COL5A2: variants seen among roughly 807,000 people sequenced by gnomAD.
The protein encoded by COL5A2 is collagen type V alpha 2 chain, also known as collagen alpha-2(V) chain.
A neutral mutation model predicts 208.2 loss-of-function variants in COL5A2; 23 were observed. The ratio of observed to expected loss-of-function variants is 0.11; its 90% CI spans 0.08 to 0.16. COL5A2 has a LOEUF of 0.16. Among genes scored for constraint, COL5A2 ranks in the 10% least tolerant of loss-of-function variants. The pLI, the probability that COL5A2 is intolerant of heterozygous loss-of-function variation, is 1.00. For missense variants in COL5A2, 1,590 were observed against 1,956.4 expected (o/e 0.81, Z 3.53); for synonymous variants, 625 against 628.5 (o/e 0.99, Z 0.08).
chr2:189,042,962 C>T (rs978210427), intron 48 of COL5A2, among the ~76,000 whole-genome samples, 189 bp from the exon 49 acceptor site: 5 of 152,116 alleles, frequency 3.3e-5, no homozygotes, highest in Non-Finnish European at 5.9e-5. Context: ...ATAGCTTTTG[C>T]TTTATTTCTT....
intron 1 of COL5A2, among the ~76,000 whole-genome samples, chr2:189,154,044 T>C (rs925363250): frequency 1.3e-5 from 2 of 152,136 alleles, no homozygotes; most frequent in Non-Finnish European, 2.9e-5. Flanking sequence ...CTACACATTT[T>C]ATGAGTCAAT....
chr2:189,222,712 AG>A (rs1689363006), intron 1 of COL5A2, among the ~76,000 whole-genome samples: 1 of 152,204 alleles, frequency 6.6e-6, no homozygotes, highest in African/African-American at 2.4e-5. Flanking sequence ...ACTTTGGCCA[AG>A]GCAAACCTGC....
At chr2:189,408,870 G>A in the COL5A2 span, among the ~76,000 whole-genome samples, 5 of 152,090 alleles carry the variant, frequency 3.3e-5, no homozygotes, top group Non-Finnish European at 7.4e-5. Context: ...AATTCAACTG[G>A]TCCTCTTGAC....
At chr2:189,250,486 G>T in the COL5A2 span, among the ~76,000 whole-genome samples, 2 of 152,124 alleles carry the variant, frequency 1.3e-5, no homozygotes, top group Non-Finnish European at 2.9e-5. Flanking sequence ...AAACAATCTG[G>T]AGTCACTTTA....
intron 13 of COL5A2, 44 bp downstream of exon 13, chr2:189,080,946 A>G (rs2105637526): frequency 6.6e-7 from 1 of 1,522,086 alleles, no homozygotes; most frequent in Non-Finnish European, 9.1e-7. Flanking sequence ...GAGCCTGTTC[A>G]CTAAACCACA....
At chr2:189,205,219 T>A (rs1280816633) in intron 1 of COL5A2, among the ~76,000 whole-genome samples, 1 of 152,194 alleles carries the variant, frequency 6.6e-6, no homozygotes, top group African/African-American at 2.4e-5. Context: ...AGAGAAGAAA[T>A]CTTTAAAGAG....
the COL5A2 span, among the ~76,000 whole-genome samples, chr2:189,237,682 A>G: frequency 6.6e-6 from 1 of 151,912 alleles, no homozygotes; most frequent in Admixed American, 6.6e-5. Context: ...ACCACTATAG[A>G]CCAAACAAAT....
intron 1 of COL5A2, among the ~76,000 whole-genome samples, chr2:189,134,722 C>T (rs966376510): frequency 7.9e-5 from 12 of 152,164 alleles, no homozygotes; most frequent in African/African-American, 2.4e-4. Flanking sequence ...AAACAACAAA[C>T]CAAGGGCAAA....
chr2:189,252,091 T>C, the COL5A2 span, among the ~76,000 whole-genome samples: 2 of 152,172 alleles, frequency 1.3e-5, no homozygotes, highest in Admixed American at 6.5e-5. Context: ...AGAATGGTGA[T>C]CATGAAAAAG....
the COL5A2 span, among the ~76,000 whole-genome samples, chr2:189,341,838 T>C: frequency 2.0e-5 from 3 of 152,160 alleles, no homozygotes; most frequent in East Asian, 1.9e-4. Flanking sequence ...ATAATGTTAC[T>C]AAACACAACT....
chr2:189,186,449 T>C lies in COL5A2; in HGVS notation c.-42+38699A>G, dbSNP rs142766668. 9.2e-5 allele frequency among the ~76,000 whole-genome samples: 14 copies of C among 152,344 alleles called. No homozygotes were observed. The East Asian group carries it at 2.1e-3, about 23-fold the overall frequency. On this transcript the variant is annotated intron_variant, in intron 1 of 10. Coordinates refer to the COL5A2 transcript ENST00000649966. ...TATGTCAAATACTGTGTTAGCACTT[T>C]ATATGTATTAACTAATTTAATCCTA...
At chr2:189,207,430 A>G (rs925513409) in intron 1 of COL5A2, among the ~76,000 whole-genome samples, 1 of 152,136 alleles carries the variant, frequency 6.6e-6, no homozygotes, top group African/African-American at 2.4e-5. Context: ...TTGCTTTGTT[A>G]TTTTACAATT....
the COL5A2 span, chr2:189,312,028 C>T: frequency 1.3e-6 from 1 of 754,370 alleles, no homozygotes; most frequent in Non-Finnish European, 2.4e-6. Context: ...ATGGCCAGCT[C>T]TGTCTCATAC....
the COL5A2 span, among the ~76,000 whole-genome samples, chr2:189,433,988 T>C: frequency 5.9e-5 from 9 of 152,338 alleles, no homozygotes; most frequent in Middle Eastern, 3.4e-3. Context: ...TCTGCCATGA[T>C]CAAGTTGGCT....
the COL5A2 span, among the ~76,000 whole-genome samples, chr2:189,427,458 T>C: frequency 9.2e-5 from 14 of 152,288 alleles, no homozygotes; most frequent in South Asian, 2.1e-4. Flanking sequence ...AAGGAAAATG[T>C]GGGGTTGGAG....
At chr2:189,294,848 G>C in the COL5A2 span, among the ~76,000 whole-genome samples, 2 of 152,080 alleles carry the variant, frequency 1.3e-5, no homozygotes, top group Non-Finnish European at 1.5e-5. Context: ...TCAGAGGCTG[G>C]AGTGCAGTGA....
chr2:189,121,273 T>C (rs1576540510), intron 1 of COL5A2, among the ~76,000 whole-genome samples: 1 of 152,156 alleles, frequency 6.6e-6, no homozygotes, highest in Middle Eastern at 3.4e-3. Context: ...TTTCCAAAAA[T>C]TCATTTCCAA....
the COL5A2 span, among the ~76,000 whole-genome samples, chr2:189,335,519 A>G: frequency 6.6e-6 from 1 of 152,112 alleles, no homozygotes; most frequent in Non-Finnish European, 1.5e-5. Flanking sequence ...GATATTTATA[A>G]CAGTATTGGT....
intron 1 of COL5A2, among the ~76,000 whole-genome samples, chr2:189,207,113 T>C (rs767402444): frequency 7.9e-5 from 12 of 152,186 alleles, no homozygotes; most frequent in African/African-American, 1.7e-4. Context: ...AAACTAGTAA[T>C]ACCAATGCAG....
Sources: gnomAD v4.1 joint callset for allele counts (sites outside exome capture counted in the v4.1 genomes callset) on GRCh38, gnomAD v4.1.1 for gene constraint, MANE v1.5 for transcripts, NCBI Gene and HGNC (gene_info 2026-07-23, HGNC 2026-07-21) for gene names.